Variants in ASTN2 observed in about 807,000 individuals in gnomAD.
ASTN2 encodes the protein astrotactin-2.
In ASTN2, 54 loss-of-function variants were observed where a neutral mutation model predicts 139.8. The ratio of observed to expected loss-of-function variants is 0.39; its 90% CI spans 0.31 to 0.48. The LOEUF (loss-of-function observed/expected upper bound fraction) is 0.48, where lower values mean the gene tolerates loss of function less well. Ranked by LOEUF, ASTN2 falls within the 20% of genes least tolerant of loss-of-function variation. The probability of loss-of-function intolerance (pLI) is 0.95; values close to 1 mark genes in which losing one functional copy is unlikely to be tolerated. For synonymous variants in ASTN2, 756 were observed against 719.5 expected (o/e 1.05, Z -0.81); for missense variants, 1,565 against 1,725.1 (o/e 0.91, Z 1.64).
At chr9:117,142,070 C>T (rs778984354) in intron 3 of ASTN2, among the ~76,000 whole-genome samples, 20 of 152,074 alleles carry the variant, frequency 1.3e-4, no homozygotes, top group East Asian at 3.9e-4. Flanking sequence ...AGAAGGAGCA[C>T]GGATGCTTGA....
chr9:117,032,595 T>C (rs964333642), intron 6 of ASTN2, among the ~76,000 whole-genome samples: 1 of 152,210 alleles, frequency 6.6e-6, no homozygotes, highest in Admixed American at 6.5e-5. Context: ...ACTCCTTCCA[T>C]GTATTCAAAT....
chr9:116,802,472 G>A (rs1830890025), intron 13 of ASTN2, among the ~76,000 whole-genome samples: 1 of 152,118 alleles, frequency 6.6e-6, no homozygotes, highest in African/African-American at 2.4e-5. Context: ...ACGTGGGCTG[G>A]TCCCACAATG....
intron 1 of ASTN2, 25 bp from the exon 2 acceptor site, chr9:117,291,538 G>A (rs188955790): frequency 6.4e-7 from 1 of 1,567,636 alleles, no homozygotes; most frequent in African/African-American, 1.4e-5. Context: ...CCGAGGCACT[G>A]GGTGAGCCGT....
chr9:116,632,181 AG>A (rs1856797231), intron 17 of ASTN2, among the ~76,000 whole-genome samples: 20 of 25,250 alleles, frequency 7.9e-4, no homozygotes, highest in African/African-American at 1.9e-3. Context: ...AGAGAGAGAG[AG>A]AGGGAGAGAG....
Position 116,425,272 on chromosome 9 carries a change from C to T in ASTN2, c.*579G>A. The T allele has an allele frequency of 2.3e-6, 1 of 432,372 alleles. No homozygotes were observed. Among genetic ancestry groups the T allele is most frequent in the East Asian group, 4.7e-5 (1 of 21,464 alleles). The allele number at this position is 432,372 out of a possible 1,614,324, so 26.8% of individuals were successfully genotyped here. A position where few individuals can be genotyped will look rare whatever the true frequency, so the allele number is the denominator to read the frequency against. ...TAATGCATGGACAGGCCTGCAGGGA[C>T]TCTGGGCAGACCCACAGGTAGCAGG... On this transcript the variant is annotated 3_prime_UTR_variant, in exon 23 of 23. Coordinates refer to ENST00000313400, the MANE Select transcript of ASTN2 (RefSeq NM_001365068.1).
chr9:116,492,086 T>TC (rs1491198382), intron 19 of ASTN2, among the ~76,000 whole-genome samples: 3 of 123,426 alleles, frequency 2.4e-5, no homozygotes, highest in African/African-American at 1.4e-4. Context: ...TTTTTCTCTC[T>TC]TTTTTTTTTT....
chr9:116,923,668 C>A (rs1588414721), intron 10 of ASTN2, among the ~76,000 whole-genome samples: 1 of 152,128 alleles, frequency 6.6e-6, no homozygotes, highest in South Asian at 2.1e-4. Context: ...GGTTGTTCTG[C>A]ATTAGGGCTG....
chr9:116,587,481 C>T lies in ASTN2; in HGVS notation c.3355+30843G>A, dbSNP rs192503765. Among the ~76,000 whole-genome samples, 3 of 152,114 alleles carry T rather than the reference C, an allele frequency of 2.0e-5. No homozygotes were observed. In the East Asian group the frequency reaches 5.8e-4, roughly 29 times the overall value. Reference sequence around the variant, plus strand: ...GACTCAGGGTTAGACAACCTATGGTCACTTCTGCTGGTAGTGAGCCATGTG... The same window carrying T: ...GACTCAGGGTTAGACAACCTATGGTTACTTCTGCTGGTAGTGAGCCATGTG... On this transcript the variant is annotated intron_variant, in intron 19 of 22. Transcript: ENST00000313400.
intron 3 of ASTN2, chr9:117,180,605 C>T (rs1831035875): frequency 8.4e-7 from 1 of 1,184,144 alleles, no homozygotes. Context: ...GAGCACCATT[C>T]TAAACAACTG....
chr9:116,481,692 A>T (rs1397030141), intron 20 of ASTN2, among the ~76,000 whole-genome samples: 1 of 152,204 alleles, frequency 6.6e-6, no homozygotes, highest in Non-Finnish European at 1.5e-5. Flanking sequence ...TCTCCATTTT[A>T]TGGATAAGAC....
chr9:116,490,303 A>AAAAAAAAAAAAAAAAAAG (rs1564314423), intron 19 of ASTN2, among the ~76,000 whole-genome samples: 28 of 104,564 alleles, frequency 2.7e-4, no homozygotes, highest in East Asian at 1.9e-3. Flanking sequence ...AAAAAAAAAA[A>AAAAAAAAAAAAAAAAAAG]GGGGGCATTG....
chr9:117,348,246 A>T (rs1369273562), intron 1 of ASTN2, among the ~76,000 whole-genome samples: 1 of 152,210 alleles, frequency 6.6e-6, no homozygotes, highest in Non-Finnish European at 1.5e-5. Context: ...CAGGTAGTTC[A>T]GTCTAAAATT....
At chr9:116,687,873 C>T (rs1860352196) in intron 16 of ASTN2, among the ~76,000 whole-genome samples, 1 of 151,472 alleles carries the variant, frequency 6.6e-6, no homozygotes. Context: ...ATCCTAAGTG[C>T]TATTGAGAAA....
At chr9:116,613,697 AATAAACTAGGTACTG>A (rs2131807744) in intron 19 of ASTN2, 1 of 152,348 alleles carries the variant, frequency 6.6e-6, no homozygotes, top group East Asian at 1.9e-4. Flanking sequence ...CAAAACTCTC[AATAAACTAGGTACTG>A]ATGGGACGTA....
intron 19 of ASTN2, among the ~76,000 whole-genome samples, chr9:116,537,628 T>G (rs1851699413): frequency 6.6e-6 from 1 of 152,138 alleles, no homozygotes; most frequent in African/African-American, 2.4e-5. Flanking sequence ...CCTAAGAGTA[T>G]CTCTTAGAGA....
chr9:116,791,232 TGGTA>T (rs1321742518), intron 13 of ASTN2, among the ~76,000 whole-genome samples: 2 of 152,210 alleles, frequency 1.3e-5, no homozygotes, highest in African/African-American at 4.8e-5. Flanking sequence ...TGAGAACTAG[TGGTA>T]AAGCCAGGGC....
intron 11 of ASTN2, among the ~76,000 whole-genome samples, chr9:116,848,579 G>C (rs1323070993): frequency 6.6e-6 from 1 of 152,216 alleles, no homozygotes; most frequent in Non-Finnish European, 1.5e-5. Flanking sequence ...GAGCCAGGAA[G>C]CCTGGCACCT....
intron 4 of ASTN2, among the ~76,000 whole-genome samples, chr9:117,100,422 A>C (rs1404043823): frequency 6.6e-6 from 1 of 152,268 alleles, no homozygotes; most frequent in Non-Finnish European, 1.5e-5. Flanking sequence ...TAAACATAAA[A>C]GTTCAAATGA....
intron 4 of ASTN2, among the ~76,000 whole-genome samples, chr9:117,109,000 TC>T (rs1477541142): frequency 2.0e-5 from 3 of 152,246 alleles, no homozygotes; most frequent in Admixed American, 6.5e-5. Context: ...AATCTGTCCT[TC>T]CGGCTGGGCA....
Sources: allele counts gnomAD v4.1 joint callset (sites outside exome capture counted in the v4.1 genomes callset), GRCh38; gene constraint gnomAD v4.1.1; transcripts MANE v1.5; gene names NCBI Gene and HGNC (gene_info 2026-07-23, HGNC 2026-07-21).